Variants in RPS6KC1 observed in about 807,000 individuals in gnomAD.
The protein encoded by RPS6KC1 is ribosomal protein S6 kinase C1.
Under a neutral mutation model 103.8 loss-of-function variants are expected in RPS6KC1, and 54 were observed. That is an observed-to-expected ratio of 0.52 (90% CI 0.42 to 0.65). RPS6KC1 has a LOEUF of 0.65. Ranked by LOEUF, RPS6KC1 falls within the 30% of genes least tolerant of loss-of-function variation. The pLI is 0.00. For missense variants in RPS6KC1, 1,151 were observed against 1,253.8 expected (o/e 0.92, Z 1.24); for synonymous variants, 439 against 438.7 (o/e 1.00, Z -0.01).
chr1:213,106,979 T>A (rs1266418333), intron 4 of RPS6KC1, among the ~76,000 whole-genome samples: 2 of 152,130 alleles, frequency 1.3e-5, no homozygotes, highest in Non-Finnish European at 2.9e-5. Context: ...CTCACTCTGT[T>A]GCCCAGGCTA....
the RPS6KC1 span, among the ~76,000 whole-genome samples, chr1:213,508,721 T>C: frequency 6.6e-6 from 1 of 152,202 alleles, no homozygotes; most frequent in Non-Finnish European, 1.5e-5. Flanking sequence ...TGAGGAATCA[T>C]TATCTGGTCA....
chr1:213,734,130 G>A, the RPS6KC1 span, among the ~76,000 whole-genome samples: 1 of 152,194 alleles, frequency 6.6e-6, no homozygotes, highest in African/African-American at 2.4e-5. Flanking sequence ...AACTAGCTAT[G>A]TGCACCATTT....
chr1:213,155,143 C>T (rs1271206257), intron 6 of RPS6KC1, among the ~76,000 whole-genome samples: 1 of 152,150 alleles, frequency 6.6e-6, no homozygotes, highest in African/African-American at 2.4e-5. Flanking sequence ...ACAAAGTCCT[C>T]CCCACTTTCC....
chr1:213,312,595 T>C, the RPS6KC1 span, among the ~76,000 whole-genome samples: 1 of 152,166 alleles, frequency 6.6e-6, no homozygotes, highest in Non-Finnish European at 1.5e-5. Flanking sequence ...TACTGTGCAG[T>C]GTGGCATTTC....
chr1:213,575,630 G>A, the RPS6KC1 span, among the ~76,000 whole-genome samples: 2 of 152,140 alleles, frequency 1.3e-5, no homozygotes, highest in African/African-American at 4.8e-5. Context: ...GGCCTCCCTA[G>A]CCATGCTGAA....
intron 5 of RPS6KC1, among the ~76,000 whole-genome samples, chr1:213,123,432 G>A (rs2084622493): frequency 6.6e-6 from 1 of 151,558 alleles, no homozygotes; most frequent in African/African-American, 2.4e-5. Context: ...ATCTGTACGA[G>A]GTATTCTGAG....
At chr1:213,719,122 C>A in the RPS6KC1 span, among the ~76,000 whole-genome samples, 2 of 152,224 alleles carry the variant, frequency 1.3e-5, no homozygotes, top group African/African-American at 2.4e-5. Flanking sequence ...TATAAGAAAG[C>A]AGTGCCTACT....
At chr1:213,069,152 CAT>C (rs1215853695) in intron 1 of RPS6KC1, among the ~76,000 whole-genome samples, 1 of 152,074 alleles carries the variant, frequency 6.6e-6, no homozygotes, top group African/African-American at 2.4e-5. Context: ...TAGCCACACA[CAT>C]GTGGCTAGTG....
chr1:213,676,927 G>T, the RPS6KC1 span, among the ~76,000 whole-genome samples: 3 of 152,214 alleles, frequency 2.0e-5, no homozygotes, highest in African/African-American at 7.2e-5. Context: ...AGGCTCTGCT[G>T]AGGGAGACTT....
chr1:213,273,354 G>A lies in RPS6KC1; in HGVS notation c.*720G>A, dbSNP rs1269743956. On this transcript the variant is annotated 3_prime_UTR_variant, in exon 15 of 15. Coordinates refer to ENST00000366960, the MANE Select transcript of RPS6KC1 (RefSeq NM_012424.6). Reference sequence around the variant, plus strand: ...CCCTCTGCTTGTTCCCTCATATTCTGTTCTTCCGACTCCTGCTAACACACA... The same window carrying A: ...CCCTCTGCTTGTTCCCTCATATTCTATTCTTCCGACTCCTGCTAACACACA... 6.6e-6 allele frequency: 1 copy of A among 152,364 alleles called. No individual in the cohort carries two copies. The highest frequency in any genetic ancestry group is 1.5e-5 in the Non-Finnish European group (1 of 68,006). The allele number at this position is 152,364 out of a possible 1,614,324, so 9.4% of individuals were successfully genotyped here.
chr1:213,703,666 C>A, the RPS6KC1 span, among the ~76,000 whole-genome samples: 3 of 152,174 alleles, frequency 2.0e-5, no homozygotes, highest in Non-Finnish European at 1.5e-5. Flanking sequence ...TCATGCCGTT[C>A]TCTCCTGGTT....
At chr1:213,725,149 A>G in the RPS6KC1 span, among the ~76,000 whole-genome samples, 1 of 152,234 alleles carries the variant, frequency 6.6e-6, no homozygotes. Flanking sequence ...CCAACATTAA[A>G]ACATGCAAAA....
chr1:213,695,471 G>T, the RPS6KC1 span, among the ~76,000 whole-genome samples: 11 of 152,378 alleles, frequency 7.2e-5, no homozygotes, highest in Middle Eastern at 3.4e-3. Flanking sequence ...GTAAGAAGTA[G>T]AGTCAGGTGG....
chr1:213,361,333 C>T, the RPS6KC1 span, among the ~76,000 whole-genome samples: 296 of 152,356 alleles, frequency 1.9e-3, 1 homozygote, highest in Admixed American at 3.5e-3. Context: ...AGCAAGGCTC[C>T]GTGGGCGTGG....
At chr1:213,135,647 A>G (rs2086187457) in intron 6 of RPS6KC1, among the ~76,000 whole-genome samples, 1 of 152,178 alleles carries the variant, frequency 6.6e-6, no homozygotes, top group Non-Finnish European at 1.5e-5. Context: ...AAGCATTTTA[A>G]AACAGTCTAA....
At chr1:213,600,983 C>A in the RPS6KC1 span, among the ~76,000 whole-genome samples, 3 of 152,212 alleles carry the variant, frequency 2.0e-5, no homozygotes, top group Non-Finnish European at 4.4e-5. Flanking sequence ...TGGGGCTTGC[C>A]TGTGAAGCAC....
At chr1:213,169,096 C>G (rs2091255044) in intron 7 of RPS6KC1, among the ~76,000 whole-genome samples, 1 of 152,094 alleles carries the variant, frequency 6.6e-6, no homozygotes, top group African/African-American at 2.4e-5. Flanking sequence ...TACACATATA[C>G]ACATAAATCA....
At chr1:213,223,532 A>G (rs952678689) in intron 8 of RPS6KC1, among the ~76,000 whole-genome samples, 2 of 152,144 alleles carry the variant, frequency 1.3e-5, no homozygotes, top group African/African-American at 4.8e-5. Flanking sequence ...TGCAAAAGAC[A>G]TTATTTCATT....
the RPS6KC1 span, among the ~76,000 whole-genome samples, chr1:213,411,095 G>A: frequency 6.6e-6 from 1 of 152,188 alleles, no homozygotes; most frequent in Non-Finnish European, 1.5e-5. Flanking sequence ...AGAGCACGCA[G>A]CCTTCATCCT....
Sources: allele counts gnomAD v4.1 joint callset (sites outside exome capture counted in the v4.1 genomes callset), GRCh38; gene constraint gnomAD v4.1.1; transcripts MANE v1.5; gene names NCBI Gene and HGNC (gene_info 2026-07-23, HGNC 2026-07-21).